Variants in PIEZO2 observed in about 807,000 individuals in gnomAD.
PIEZO2 encodes the protein piezo-type mechanosensitive ion channel component 2.
Under a neutral mutation model 337.3 loss-of-function variants are expected in PIEZO2, and 172 were observed. The ratio of observed to expected loss-of-function variants is 0.51; its 90% CI spans 0.45 to 0.58. The LOEUF (loss-of-function observed/expected upper bound fraction) is 0.58. Among genes scored for constraint, PIEZO2 ranks in the 20% least tolerant of loss-of-function variants. The pLI is 0.00. For synonymous variants in PIEZO2, 1,251 were observed against 1,228.5 expected (o/e 1.02, Z -0.38); for missense variants, 3,028 against 3,391.3 (o/e 0.89, Z 2.66).
intron 3 of PIEZO2, among the ~76,000 whole-genome samples, chr18:10,919,854 G>GAC (rs111787556): frequency 0.069 from 10,403 of 151,096 alleles, 702 homozygotes; most frequent in African/African-American, 0.17. Flanking sequence ...GGAAAGTAGA[G>GAC]ACACACACAC....
chr18:10,758,291 G>A (rs868801891), intron 26 of PIEZO2, among the ~76,000 whole-genome samples, 157 bp from the exon 27 acceptor site: 75 of 152,266 alleles, frequency 4.9e-4, no homozygotes, highest in African/African-American at 1.7e-3. Context: ...TCCAATGTCG[G>A]GGCCAAGTCA....
At chr18:10,978,415 T>G (rs528820276) in intron 3 of PIEZO2, among the ~76,000 whole-genome samples, 2 of 152,178 alleles carry the variant, frequency 1.3e-5, no homozygotes, top group Admixed American at 6.5e-5. Context: ...GGTGTGTGAA[T>G]TATATTTCAA....
chr18:11,021,298 CAA>C lies in PIEZO2; in HGVS notation c.161-41640_161-41639del. 6.6e-6 allele frequency among the ~76,000 whole-genome samples: 1 copy of C among 152,202 alleles called. No individual in the cohort carries two copies. On this transcript the variant is annotated intron_variant, in intron 2 of 55. Transcript: ENST00000674853. This position sits in a 1 kb window ranked among gnomAD's most constrained non-coding sequence, Gnocchi z 4.7. ...CTCCCAAACCGGTTTTCCATGGACCCAAAGTCAGTGTGGTGTTCTTACTTCCT... is the reference window on the plus strand; with the variant it reads ...CTCCCAAACCGGTTTTCCATGGACCCAGTCAGTGTGGTGTTCTTACTTCCT...
At chr18:10,865,723 G>C (rs777010560) in intron 5 of PIEZO2, among the ~76,000 whole-genome samples, 26 of 152,166 alleles carry the variant, frequency 1.7e-4, no homozygotes, top group Non-Finnish European at 1.9e-4. Flanking sequence ...TATTTCAGGG[G>C]TATTTACAAT....
At position 10,847,498 on chromosome 18, in the gene PIEZO2, G is replaced by A. The variant is rs2041404362; in HGVS notation, c.917+7855C>T. On this transcript the variant is annotated intron_variant, in intron 7 of 55. Transcript: ENST00000674853. This position sits in a 1 kb window ranked among gnomAD's most constrained non-coding sequence, Gnocchi z 5.7. ...TAAACACGCAGTGCAAAGGCCCGTGGGCTCGGCGAGAAGCCACAGTTGCTT... is the reference window on the plus strand; with the variant it reads ...TAAACACGCAGTGCAAAGGCCCGTGAGCTCGGCGAGAAGCCACAGTTGCTT... Among the ~76,000 whole-genome samples the A allele has an allele frequency of 6.6e-6, 1 of 152,168 alleles. No homozygotes were observed. Among genetic ancestry groups the A allele is most frequent in the Admixed American group, 6.5e-5 (1 of 15,276 alleles).
intron 33 of PIEZO2, chr18:10,738,231 G>A (rs1598418276): frequency 6.6e-6 from 1 of 152,318 alleles, no homozygotes; most frequent in Middle Eastern, 3.4e-3. Flanking sequence ...GAGATTTGCA[G>A]GAAAGTGATG....
At chr18:10,976,766 T>C (rs2034454509) in intron 3 of PIEZO2, among the ~76,000 whole-genome samples, 1 of 152,158 alleles carries the variant, frequency 6.6e-6, no homozygotes, top group Non-Finnish European at 1.5e-5. Context: ...AGCCCATATA[T>C]TTAGGAGCGA....
In PIEZO2 at chr18:10,857,058, C is replaced by T. The variant is rs1476126978; in HGVS notation, c.646G>A (p.Gly216Ser). 3.3e-6 allele frequency: 5 copies of T among 1,537,246 alleles called. No homozygotes were observed. Among genetic ancestry groups the T allele is most frequent in the Non-Finnish European group, 4.4e-6 (5 of 1,146,952 alleles). The change falls in exon 6 of 56, where the codon GGC (glycine) becomes AGC (serine). Residue 216 changes from glycine to serine, a missense_variant. Transcript: ENST00000674853. Reference protein sequence around the residue: ...SVASKLKEFIGNMITTAGKVV... With the variant: ...SVASKLKEFISNMITTAGKVV... ...TTCCCAGCAGTGGTGATCATGTTGCCAATGAACTCCTTGAGCTTAGAGGCC... is the reference window on the plus strand; with the variant it reads ...TTCCCAGCAGTGGTGATCATGTTGCTAATGAACTCCTTGAGCTTAGAGGCC...
Position 10,886,380 on chromosome 18 carries a change from GTATATATATATATATA to G in PIEZO2, c.330-14981_330-14966del, listed in dbSNP as rs1173330460. Among the ~76,000 whole-genome samples, 3 of 3,040 alleles carry G rather than the reference GTATATATATATATATA, an allele frequency of 9.9e-4. 1 individual carries two copies. The highest frequency in any genetic ancestry group is 1.3e-3 in the Non-Finnish European group (3 of 2,322). 2.0% of individuals were successfully genotyped at this position (3,040 alleles called of 152,430 possible). A position where few individuals can be genotyped will look rare whatever the true frequency, so the allele number is the denominator to read the frequency against. On this transcript the variant is annotated intron_variant, in intron 4 of 55. Transcript: ENST00000674853. ...CACACACATATATATGTGTGTGTGT[GTATATATATATATATA>G]TATATATATATATATATATATATAT...
At chr18:10,756,533 A>G (rs1392765563) in intron 27 of PIEZO2, among the ~76,000 whole-genome samples, 1 of 135,574 alleles carries the variant, frequency 7.4e-6, no homozygotes, top group Non-Finnish European at 1.6e-5. Flanking sequence ...AAGGATGAGG[A>G]TGAGTAGGAG....
At position 10,716,915 on chromosome 18, in the gene PIEZO2, T is replaced by G. The variant is rs2036033142; in HGVS notation, c.5090-1099A>C. 6.6e-6 allele frequency among the ~76,000 whole-genome samples: 1 copy of G among 152,150 alleles called. No individual in the cohort carries two copies. The highest frequency in any genetic ancestry group is 1.5e-5 in the Non-Finnish European group (1 of 68,032). ...GGTTTTGCTACAGTGGGCCTGATTGTAAGGCTGCAGCCACCGCACTGGAGA... is the reference window on the plus strand; with the variant it reads ...GGTTTTGCTACAGTGGGCCTGATTGGAAGGCTGCAGCCACCGCACTGGAGA... On this transcript the variant is annotated intron_variant, in intron 37 of 55. Coordinates refer to ENST00000674853, the MANE Select transcript of PIEZO2 (RefSeq NM_001378183.1). This position sits in a 1 kb window ranked among gnomAD's most constrained non-coding sequence, Gnocchi z 4.1.
At chr18:10,723,429 A>T (rs62095605) in intron 36 of PIEZO2, among the ~76,000 whole-genome samples, 30,680 of 152,146 alleles carry the variant, frequency 0.2, 3,293 homozygotes, top group South Asian at 0.29. Context: ...GAGACTGGGT[A>T]TAGATGACTC....
rs1465782748 is a variant in PIEZO2, at chr18:10,815,365, A to AG, written c.918-8092dup. Among the ~76,000 whole-genome samples, 1 of 152,198 alleles carries AG rather than the reference A, an allele frequency of 6.6e-6. No individual in the cohort carries two copies. Among genetic ancestry groups the AG allele is most frequent in the African/African-American group, 2.4e-5 (1 of 41,450 alleles). Reference sequence around the variant, plus strand: ...AATGATTACCTACGTGACCCTGAGTAGGACATTTAACCACTTTAAGCCTCA... The same window carrying AG: ...AATGATTACCTACGTGACCCTGAGTAGGGACATTTAACCACTTTAAGCCTCA... On this transcript the variant is annotated intron_variant, in intron 7 of 55. Transcript: ENST00000674853. The surrounding 1 kb of genome is among the most constrained non-coding windows in gnomAD (Gnocchi z 4.1).
At chr18:11,139,214 A>G (rs1431505983) in intron 1 of PIEZO2, among the ~76,000 whole-genome samples, 3 of 152,212 alleles carry the variant, frequency 2.0e-5, no homozygotes, top group African/African-American at 7.2e-5. Context: ...TATCTCAAAA[A>G]CAGGGGTCAA....
chr18:11,003,100 G>A lies in PIEZO2; in HGVS notation c.161-23440C>T, dbSNP rs7229172. 6.6e-6 allele frequency among the ~76,000 whole-genome samples: 1 copy of A among 152,130 alleles called. No individual in the cohort carries two copies. The highest frequency in any genetic ancestry group is 1.5e-5 in the Non-Finnish European group (1 of 68,026). Reference sequence around the variant, plus strand: ...AGATGTCCAGTGACATGTCTTTGCCGTGCCCTCCCAGGTCTTCCTCCAGCA... The same window carrying A: ...AGATGTCCAGTGACATGTCTTTGCCATGCCCTCCCAGGTCTTCCTCCAGCA... On this transcript the variant is annotated intron_variant, in intron 2 of 55. Coordinates refer to ENST00000674853, the MANE Select transcript of PIEZO2 (RefSeq NM_001378183.1). The surrounding 1 kb of genome is among the most constrained non-coding windows in gnomAD (Gnocchi z 4.6).
At chr18:11,036,302 A>G (rs968718625) in intron 2 of PIEZO2, among the ~76,000 whole-genome samples, 1 of 152,178 alleles carries the variant, frequency 6.6e-6, no homozygotes, top group African/African-American at 2.4e-5. Flanking sequence ...ATTCCAAGCC[A>G]TAACGTTAAG....
At chr18:11,010,835 T>A (rs2035872670) in intron 2 of PIEZO2, among the ~76,000 whole-genome samples, 1 of 152,244 alleles carries the variant, frequency 6.6e-6, no homozygotes. Flanking sequence ...GAGAATTACA[T>A]GGCTCAGAGA....
Position 10,979,343 on chromosome 18 carries a change from CATGATCCA to C in PIEZO2, c.286+184_286+191del, listed in dbSNP as rs1211741352. On this transcript the variant is annotated intron_variant, in intron 3 of 55. Transcript: ENST00000674853. The surrounding 1 kb of genome is among the most constrained non-coding windows in gnomAD (Gnocchi z 4.0). Reference sequence around the variant, plus strand: ...GAAGAGTCATTCATAAACTTAATCTCATGATCCAATCTTCCATGGCAAAGCTTCTTTAT... The same window carrying C: ...GAAGAGTCATTCATAAACTTAATCTCATCTTCCATGGCAAAGCTTCTTTAT... Among the ~76,000 whole-genome samples, 17 of 152,218 alleles carry C rather than the reference CATGATCCA, an allele frequency of 1.1e-4. No homozygotes were observed. In the East Asian group the frequency reaches 3.1e-3, roughly 28 times the overall value.
Position 10,863,693 on chromosome 18 carries a change from A to G in PIEZO2, c.493-6482T>C, listed in dbSNP as rs1452773127. Reference sequence around the variant, plus strand: ...CACTTGAACTTTTTTAAAACTTCCCAGGTTAATTCACCTACTTAGAATGGC... The same window carrying G: ...CACTTGAACTTTTTTAAAACTTCCCGGGTTAATTCACCTACTTAGAATGGC... On this transcript the variant is annotated intron_variant, in intron 5 of 55. Transcript: ENST00000674853. The surrounding 1 kb of genome is among the most constrained non-coding windows in gnomAD (Gnocchi z 4.3). Among the ~76,000 whole-genome samples, 1 of 151,920 alleles carries G rather than the reference A, an allele frequency of 6.6e-6. No homozygotes were observed. The highest frequency in any genetic ancestry group is 1.5e-5 in the Non-Finnish European group (1 of 68,040).
Sources: allele counts gnomAD v4.1 joint callset (sites outside exome capture counted in the v4.1 genomes callset), GRCh38; gene constraint gnomAD v4.1.1; non-coding constraint Gnocchi (gnomAD v3.1); transcripts MANE v1.5; gene names NCBI Gene and HGNC (gene_info 2026-07-23, HGNC 2026-07-21).